Variants in CLVS1 observed in about 807,000 individuals in gnomAD.
CLVS1 encodes the protein clavesin-1.
A neutral mutation model predicts 33.1 loss-of-function variants in CLVS1; 10 were observed. The observed-to-expected ratio is 0.30, with a 90% confidence interval of 0.19 to 0.51. The LOEUF is 0.51. CLVS1 is among the 20% of genes least tolerant of loss of function. The pLI is 0.97. For missense variants in CLVS1, 343 were observed against 433.4 expected (o/e 0.79, Z 1.85); for synonymous variants, 163 against 166.1 (o/e 0.98, Z 0.14).
chr8:61,250,843 C>A (rs532867192), intron 2 of CLVS1, among the ~76,000 whole-genome samples: 12 of 152,270 alleles, frequency 7.9e-5, no homozygotes, highest in African/African-American at 2.9e-4. Flanking sequence ...TCTAAATATA[C>A]AATCATGTCA....
intron 5 of CLVS1, among the ~76,000 whole-genome samples, chr8:61,482,698 G>A (rs1014740714): frequency 6.6e-6 from 1 of 152,076 alleles, no homozygotes; most frequent in Non-Finnish European, 1.5e-5. Context: ...AAGAGGTATG[G>A]GACTATGTGA....
chr8:61,444,079 C>A (rs1816668461), intron 3 of CLVS1, among the ~76,000 whole-genome samples: 1 of 151,936 alleles, frequency 6.6e-6, no homozygotes, highest in Non-Finnish European at 1.5e-5. Flanking sequence ...TATCTTAAAT[C>A]CTGCAACATT....
chr8:61,296,698 T>G (rs1346226673), intron 1 of CLVS1, among the ~76,000 whole-genome samples: 1 of 152,214 alleles, frequency 6.6e-6, no homozygotes, highest in African/African-American at 2.4e-5. Context: ...GAAACACTTA[T>G]TCACTCATTC....
At chr8:61,155,203 TC>T (rs1806625796) in intron 2 of CLVS1, among the ~76,000 whole-genome samples, 1 of 152,208 alleles carries the variant, frequency 6.6e-6, no homozygotes, top group South Asian at 2.1e-4. Flanking sequence ...TGGAAAACCC[TC>T]CAGGATCTCT....
chr8:61,428,467 A>T (rs981629690), intron 3 of CLVS1, among the ~76,000 whole-genome samples: 1 of 152,240 alleles, frequency 6.6e-6, no homozygotes, highest in African/African-American at 2.4e-5. Flanking sequence ...GGATGATGGC[A>T]TTACAACCTC....
At chr8:61,033,529 G>A in the CLVS1 span, among the ~76,000 whole-genome samples, 3 of 152,196 alleles carry the variant, frequency 2.0e-5, no homozygotes, top group African/African-American at 7.2e-5. Flanking sequence ...CTGGGTGAGG[G>A]GGGAAACCTG....
intron 2 of CLVS1, among the ~76,000 whole-genome samples, chr8:61,282,221 G>C (rs1809684202): frequency 6.6e-6 from 1 of 152,232 alleles, no homozygotes; most frequent in African/African-American, 2.4e-5. Context: ...AAGAATCTCA[G>C]TAAGTAGAAG....
the CLVS1 span, among the ~76,000 whole-genome samples, chr8:60,993,636 C>T: frequency 1.3e-5 from 2 of 152,222 alleles, no homozygotes; most frequent in African/African-American, 4.8e-5. Context: ...TGACTGCCTC[C>T]CAGCCTGGTG....
Position 61,085,587 on chromosome 8 carries a change from G to A in CLVS1, c.-243+28357G>A, listed in dbSNP as rs1019999653. Among the ~76,000 whole-genome samples the A allele has an allele frequency of 2.6e-5, 4 of 152,236 alleles. No homozygotes were observed. The South Asian group carries it at 8.3e-4, about 32-fold the overall frequency. On this transcript the variant is annotated intron_variant, in intron 1 of 2. Transcript: ENST00000522621. ...TTGTGGAAAAGAAACAAAGGAGAAT[G>A]TAACAATGAAATGCATGACCTGGCG...
chr8:61,468,303 G>C (rs1032763754), intron 5 of CLVS1, among the ~76,000 whole-genome samples: 1 of 152,124 alleles, frequency 6.6e-6, no homozygotes, highest in Non-Finnish European at 1.5e-5. Flanking sequence ...TAATATTTTA[G>C]TTTAAAAAAT....
chr8:61,283,757 T>A (rs1353218539), upstream of CLVS1, among the ~76,000 whole-genome samples: 1 of 152,236 alleles, frequency 6.6e-6, no homozygotes, highest in African/African-American at 2.4e-5. Flanking sequence ...TGGGTTTATT[T>A]ATTATTGAAG....
chr8:61,041,954 G>A, the CLVS1 span, among the ~76,000 whole-genome samples: 1 of 152,026 alleles, frequency 6.6e-6, no homozygotes, highest in Non-Finnish European at 1.5e-5. Context: ...AATCTCTTGA[G>A]TTTTGAACCC....
At chr8:61,231,288 A>G (rs961808647) in intron 2 of CLVS1, among the ~76,000 whole-genome samples, 34 of 149,508 alleles carry the variant, frequency 2.3e-4, no homozygotes, top group African/African-American at 8.3e-4. Context: ...CTGTGCTTGC[A>G]CACACACACA....
chr8:61,324,341 G>T (rs1275609117), intron 2 of CLVS1, among the ~76,000 whole-genome samples: 2 of 124,788 alleles, frequency 1.6e-5, no homozygotes, highest in Non-Finnish European at 3.8e-5. Flanking sequence ...TTCTGCTTTT[G>T]CATCCTTCTC....
chr8:61,008,132 G>A, the CLVS1 span, among the ~76,000 whole-genome samples: 1 of 152,152 alleles, frequency 6.6e-6, no homozygotes, highest in Non-Finnish European at 1.5e-5. Context: ...ACTTGGATGC[G>A]CAGGACGCAG....
At chr8:61,164,944 G>C (rs1396627757) in intron 2 of CLVS1, among the ~76,000 whole-genome samples, 1 of 152,184 alleles carries the variant, frequency 6.6e-6, no homozygotes, top group Non-Finnish European at 1.5e-5. Flanking sequence ...CCAAGATGGT[G>C]GTGAGCCTCA....
intron 2 of CLVS1, among the ~76,000 whole-genome samples, chr8:61,375,073 C>T (rs892741404): frequency 2.6e-5 from 4 of 152,092 alleles, no homozygotes; most frequent in African/African-American, 9.7e-5. Flanking sequence ...TCCATAAACT[C>T]TTCCCTGACT....
At chr8:61,344,613 A>G (rs1812139985) in intron 2 of CLVS1, among the ~76,000 whole-genome samples, 1 of 152,184 alleles carries the variant, frequency 6.6e-6, no homozygotes, top group African/African-American at 2.4e-5. Flanking sequence ...GTGGCTGTAT[A>G]GACTGGAGTT....
chr8:61,451,600 C>T (rs1816956745), intron 3 of CLVS1, among the ~76,000 whole-genome samples: 1 of 152,106 alleles, frequency 6.6e-6, no homozygotes, highest in Admixed American at 6.5e-5. Flanking sequence ...GATACATCTG[C>T]TCTAGCCCTT....
Sources: gnomAD v4.1 joint callset for allele counts (sites outside exome capture counted in the v4.1 genomes callset) on GRCh38, gnomAD v4.1.1 for gene constraint, MANE v1.5 for transcripts, NCBI Gene and HGNC (gene_info 2026-07-23, HGNC 2026-07-21) for gene names.